SREK1IP1: variants seen among roughly 807,000 people sequenced by gnomAD.
SREK1IP1 encodes the protein protein SREK1IP1.
A neutral mutation model predicts 22.8 loss-of-function variants in SREK1IP1; 12 were observed. That is an observed-to-expected ratio of 0.53 (90% CI 0.34 to 0.85). The LOEUF is 0.85. Ranked by LOEUF, SREK1IP1 falls within the 40% of genes least tolerant of loss-of-function variation. SREK1IP1 has a pLI of 0.02. For missense variants in SREK1IP1, 147 were observed against 171.8 expected, an observed-to-expected ratio of 0.86 and a Z score of 0.81; for synonymous variants, 53 against 52.7, an observed-to-expected ratio of 1.01 and a Z score of -0.02.
At chr5:64,747,038 CAAAGAAGGGGCATAGGGA>C (rs1368674179) in intron 2 of SREK1IP1, among the ~76,000 whole-genome samples, 2 of 152,114 alleles carry the variant, frequency 1.3e-5, no homozygotes, top group Admixed American at 6.6e-5. Flanking sequence ...ATGCGTAGGG[CAAAGAAGGGGCATAGGGA>C]AAAGAAGGGG....
intron 3 of SREK1IP1, among the ~76,000 whole-genome samples, chr5:64,738,329 A>G (rs1320456719): frequency 6.6e-6 from 1 of 152,164 alleles, no homozygotes; most frequent in Non-Finnish European, 1.5e-5. Flanking sequence ...AATCAAATGA[A>G]TATTTCAATA....
At chr5:64,758,897 C>T (rs973853130) in intron 1 of SREK1IP1, among the ~76,000 whole-genome samples, 2 of 152,186 alleles carry the variant, frequency 1.3e-5, no homozygotes, top group African/African-American at 4.8e-5. Context: ...TCAGCTAGTT[C>T]CTCACCAGTC....
At chr5:64,728,302 A>G in intron 3 of SREK1IP1, 123 bp from the exon 4 acceptor site, 1 of 953,800 alleles carries the variant, frequency 1.0e-6, no homozygotes, top group Non-Finnish European at 1.4e-6. Flanking sequence ...TAATTTTTGT[A>G]ATAATTTTCC....
At chr5:64,738,610 G>A (rs1742503993) in intron 3 of SREK1IP1, among the ~76,000 whole-genome samples, 3 of 152,074 alleles carry the variant, frequency 2.0e-5, no homozygotes, top group African/African-American at 7.2e-5. Flanking sequence ...AATTAAAATA[G>A]TATTGTACTG....
In SREK1IP1 at chr5:64,754,374, T is replaced by C. The variant is rs757277954; in HGVS notation, c.14-12A>G. 6.2e-6 allele frequency: 10 copies of C among 1,612,754 alleles called. No individual in the cohort carries two copies. The highest frequency in any genetic ancestry group is 4.0e-5 in the African/African-American group (3 of 74,870). On this transcript the variant is annotated splice_polypyrimidine_tract_variant and intron_variant, in intron 1 of 4. Transcript: ENST00000513458. ...GTCCTTGTTGCAACCTGAAATACAA[T>C]TGGATAGAATTTTAGGAAGTAAATA...
In SREK1IP1 at chr5:64,736,920, T is replaced by A. The variant is rs567649382; in HGVS notation, c.205+4137A>T. On this transcript the variant is annotated intron_variant, in intron 3 of 4. Transcript: ENST00000513458. The stretch of plus-strand genomic sequence containing the variant: ...TTTTAGTAGTTGTCTCTCTTCTTTT[T>A]TTTTTTTTTTTGGAGTTATAGTAAT... 1.1e-3 allele frequency among the ~76,000 whole-genome samples: 163 copies of A among 151,458 alleles called. 1 individual carries two copies. The highest frequency in any genetic ancestry group is 3.4e-3 in the Middle Eastern group (1 of 294).
chr5:64,750,459 C>T (rs1742722090), intron 2 of SREK1IP1, among the ~76,000 whole-genome samples: 1 of 152,172 alleles, frequency 6.6e-6, no homozygotes, highest in African/African-American at 2.4e-5. Flanking sequence ...TACTATTTCT[C>T]TGGGTTGTTA....
chr5:64,756,975 AATAAT>A (rs2112110775), intron 1 of SREK1IP1, among the ~76,000 whole-genome samples: 1 of 152,340 alleles, frequency 6.6e-6, no homozygotes, highest in East Asian at 1.9e-4. Flanking sequence ...ATCCTAACTA[AATAAT>A]ATATTTAAAT....
In SREK1IP1 at chr5:64,724,543, G is replaced by C. The variant is rs368570270; in HGVS notation, c.309C>G (p.Asp103Glu). ...ATTTTTGTTTCTTTTGTTTTGAAGT[G>C]TCCTCTTCAGTGGAACTGGATGAGT... is the stretch of plus-strand genomic sequence containing the variant. ...RSYSSSSTEEDTSKQKKQKYQ... is the reference protein window; with the variant it reads ...RSYSSSSTEEETSKQKKQKYQ... The change falls in exon 5 of 5, where the codon GAC becomes GAG. Residue 103 changes from aspartate to glutamate, a missense_variant. Physicochemically the swap from Asp to Glu is conservative, Grantham distance 45 (BLOSUM62 2). Transcript: ENST00000513458. 6.4e-7 allele frequency: 1 copy of C among 1,574,794 alleles called. No homozygotes were observed. Among genetic ancestry groups the C allele is most frequent in the Admixed American group, 2.0e-5 (1 of 50,586 alleles).
At chr5:64,760,760 G>A (rs745805439) in intron 1 of SREK1IP1, among the ~76,000 whole-genome samples, 1 of 152,148 alleles carries the variant, frequency 6.6e-6, no homozygotes, top group East Asian at 1.9e-4. Flanking sequence ...CCTGACTGGC[G>A]AGCCATCTTT....
rs869277379 is a variant in SREK1IP1, at chr5:64,752,146, GTTTTTTT to G, written c.61+2162_61+2168del. On this transcript the variant is annotated intron_variant, in intron 2 of 4. Coordinates refer to ENST00000513458, the MANE Select transcript of SREK1IP1 (RefSeq NM_173829.4). ...CTTTTTCTGTGAATTTTTTTTGTGT[GTTTTTTT>G]TTTTTTTTTTTTTTTTTAGATGGAG... Among the ~76,000 whole-genome samples, 364 of 61,040 alleles carry G rather than the reference GTTTTTTT, an allele frequency of 6.0e-3. 1 individual carries two copies. The highest frequency in any genetic ancestry group is 7.9e-3 in the Non-Finnish European group (261 of 32,886). 40.0% of individuals were successfully genotyped at this position (61,040 alleles called of 152,430 possible).
At chr5:64,747,769 A>C (rs1178016826) in intron 2 of SREK1IP1, among the ~76,000 whole-genome samples, 3 of 152,138 alleles carry the variant, frequency 2.0e-5, no homozygotes, top group Non-Finnish European at 4.4e-5. Flanking sequence ...TATACTAAAA[A>C]TATAAAAAAG....
rs1439971658 is a variant in SREK1IP1 at position 64,731,335 on chromosome 5, G to A, written c.206-3156C>T. On this transcript the variant is annotated intron_variant, in intron 3 of 4. Transcript: ENST00000513458. ...TCGAAACCAGCCTGGTCAACATAGT[G>A]ACATCATGTCTTTATAAAAGAAAAA... is the stretch of plus-strand genomic sequence containing the variant. Among the ~76,000 whole-genome samples, 3 of 151,662 alleles carry A rather than the reference G, an allele frequency of 2.0e-5. No homozygotes were observed. In the South Asian group the frequency reaches 6.2e-4, roughly 32 times the overall value.
At chr5:64,728,901 A>C (rs1488402276) in intron 3 of SREK1IP1, among the ~76,000 whole-genome samples, 1 of 152,212 alleles carries the variant, frequency 6.6e-6, no homozygotes, top group Non-Finnish European at 1.5e-5. Context: ...TGTATATTTA[A>C]AGAAAAAGCA....
chr5:64,765,209 G>C (rs1743015674), intron 1 of SREK1IP1: 1 of 152,162 alleles, frequency 6.6e-6, no homozygotes. Flanking sequence ...ACAACTAAGA[G>C]TAAGATTTTC....
At chr5:64,761,114 T>C (rs946282502) in intron 1 of SREK1IP1, among the ~76,000 whole-genome samples, 2 of 152,220 alleles carry the variant, frequency 1.3e-5, no homozygotes, top group African/African-American at 4.8e-5. Context: ...TAATTCATGA[T>C]GTCAGAGTCT....
At chr5:64,739,529 G>A (rs1275636090) in intron 3 of SREK1IP1, among the ~76,000 whole-genome samples, 2 of 152,006 alleles carry the variant, frequency 1.3e-5, no homozygotes, top group Non-Finnish European at 2.9e-5. Context: ...AATATATGTC[G>A]GGTTACTTCA....
chr5:64,719,444 T>C lies in SREK1IP1; in HGVS notation c.*4940A>G, dbSNP rs553442735. 3.4e-4 allele frequency: 52 copies of C among 152,352 alleles called. No individual in the cohort carries two copies. Among genetic ancestry groups the C allele is most frequent in the African/African-American group, 1.2e-3 (51 of 41,586 alleles). The allele number at this position is 152,352 out of a possible 1,614,324, so 9.4% of individuals were successfully genotyped here. ...AAACAAAGAATTTTCACTTATTTTT[T>C]GTGAAAGTTTATAAAGCTTTTATGG... On this transcript the variant is annotated 3_prime_UTR_variant, in exon 5 of 5. Transcript: ENST00000513458.
intron 2 of SREK1IP1, among the ~76,000 whole-genome samples, chr5:64,745,820 AT>A (rs147793574): frequency 2.0e-5 from 3 of 151,510 alleles, no homozygotes; most frequent in South Asian, 2.1e-4. Flanking sequence ...TTTCTTACTG[AT>A]TTTTTTTTCT....
Sources: gnomAD v4.1 joint callset for allele counts (sites outside exome capture counted in the v4.1 genomes callset) on GRCh38, gnomAD v4.1.1 for gene constraint, MANE v1.5 for transcripts, NCBI Gene and HGNC (gene_info 2026-07-23, HGNC 2026-07-21) for gene names.